Variants in FAM13A observed in about 807,000 individuals in gnomAD.
FAM13A encodes the protein protein FAM13A.
A neutral mutation model predicts 129.6 loss-of-function variants in FAM13A; 76 were observed. That is an observed-to-expected ratio of 0.59 (90% CI 0.49 to 0.71). The LOEUF is 0.71. Among genes scored for constraint, FAM13A ranks in the 30% least tolerant of loss-of-function variants. FAM13A has a pLI of 0.00. For synonymous variants in FAM13A, 443 were observed against 449.9 expected, an observed-to-expected ratio of 0.98 and a Z score of 0.20; for missense variants, 1,108 against 1,249.3, an observed-to-expected ratio of 0.89 and a Z score of 1.70.
At chr4:88,881,676 A>G (rs566003902) in intron 6 of FAM13A, among the ~76,000 whole-genome samples, 1 of 152,206 alleles carries the variant, frequency 6.6e-6, no homozygotes, top group Non-Finnish European at 1.5e-5. Context: ...TTAATAAGCT[A>G]ATCAAGGAGG....
At chr4:88,741,926 G>A (rs1348068857) in intron 19 of FAM13A, among the ~76,000 whole-genome samples, 1 of 152,192 alleles carries the variant, frequency 6.6e-6, no homozygotes, top group Non-Finnish European at 1.5e-5. Flanking sequence ...CTTGTACAAT[G>A]TCACATGTAA....
At chr4:88,930,374 T>G (rs1331456284) in intron 5 of FAM13A, among the ~76,000 whole-genome samples, 1 of 152,184 alleles carries the variant, frequency 6.6e-6, no homozygotes, top group African/African-American at 2.4e-5. Context: ...AGATGTATTT[T>G]TTCTGGTTGA....
intron 7 of FAM13A, among the ~76,000 whole-genome samples, chr4:88,842,635 C>T (rs1287154362): frequency 6.6e-6 from 1 of 152,174 alleles, no homozygotes; most frequent in African/African-American, 2.4e-5. Context: ...TAGATTGTGC[C>T]CAATAACAAT....
In FAM13A at chr4:88,819,992, A is replaced by T. The variant is rs558197296; in HGVS notation, c.1008-14940T>A. On this transcript the variant is annotated intron_variant, in intron 7 of 23. Coordinates refer to ENST00000264344, the MANE Select transcript of FAM13A (RefSeq NM_014883.4). ...AAGATCATGAGTTTCTAAACAGCCAACTCCATCCTGGAAACTCTGCCAATA... is the reference window on the plus strand; with the variant it reads ...AAGATCATGAGTTTCTAAACAGCCATCTCCATCCTGGAAACTCTGCCAATA... Among the ~76,000 whole-genome samples, 4 of 152,264 alleles carry T rather than the reference A, an allele frequency of 2.6e-5. No individual in the cohort carries two copies. In the East Asian group the frequency reaches 7.7e-4, roughly 29 times the overall value.
At chr4:89,041,917 C>T (rs1770190390) in intron 1 of FAM13A, among the ~76,000 whole-genome samples, 2 of 150,638 alleles carry the variant, frequency 1.3e-5, no homozygotes, top group South Asian at 4.2e-4. Flanking sequence ...AAGACTCTGC[C>T]TCAAAAAAAA....
intron 5 of FAM13A, among the ~76,000 whole-genome samples, chr4:88,910,809 C>T (rs1561311753): frequency 1.3e-5 from 2 of 152,060 alleles, no homozygotes; most frequent in South Asian, 4.2e-4. Context: ...GTCACCATGC[C>T]CAGCTAATTT....
chr4:89,007,147 G>A (rs1280168323), intron 3 of FAM13A, among the ~76,000 whole-genome samples: 1 of 152,122 alleles, frequency 6.6e-6, no homozygotes, highest in African/African-American at 2.4e-5. Context: ...AACTAAGTGT[G>A]GTGATTTAAA....
At chr4:88,961,354 T>TC (rs1373580669) in intron 4 of FAM13A, among the ~76,000 whole-genome samples, 2 of 49,254 alleles carry the variant, frequency 4.1e-5, no homozygotes, top group African/African-American at 1.8e-4. Context: ...TGCCTTTTTT[T>TC]TTTTTTTTTT....
At chr4:88,822,486 T>C (rs1372091109) in intron 7 of FAM13A, among the ~76,000 whole-genome samples, 1 of 152,216 alleles carries the variant, frequency 6.6e-6, no homozygotes, top group African/African-American at 2.4e-5. Flanking sequence ...GGAAATGTTA[T>C]CCTTAACATT....
intron 5 of FAM13A, among the ~76,000 whole-genome samples, chr4:88,934,954 T>C (rs886126285): frequency 6.6e-6 from 1 of 152,176 alleles, no homozygotes; most frequent in Non-Finnish European, 1.5e-5. Context: ...GGCCAAACCA[T>C]TGCAGAATCT....
intron 6 of FAM13A, among the ~76,000 whole-genome samples, chr4:88,886,707 G>A (rs1225954625): frequency 2.0e-5 from 3 of 151,060 alleles, no homozygotes; most frequent in African/African-American, 7.3e-5. Context: ...AAGAGTTTGA[G>A]AACAGCCTGG....
intron 6 of FAM13A, among the ~76,000 whole-genome samples, chr4:88,855,152 T>C (rs1295539232): frequency 6.6e-6 from 1 of 152,206 alleles, no homozygotes; most frequent in Admixed American, 6.5e-5. Flanking sequence ...ATGTTAAATG[T>C]TGGAATTGCA....
At chr4:88,744,015 CTTCA>C (rs1455659014) in intron 19 of FAM13A, among the ~76,000 whole-genome samples, 4 of 152,102 alleles carry the variant, frequency 2.6e-5, no homozygotes, top group South Asian at 2.1e-4. Context: ...GCAACTCTGT[CTTCA>C]TTATCAGGTT....
intron 7 of FAM13A, among the ~76,000 whole-genome samples, chr4:88,830,270 T>C (rs937335362): frequency 6.6e-6 from 1 of 152,164 alleles, no homozygotes; most frequent in Non-Finnish European, 1.5e-5. Flanking sequence ...TGTATGGAAA[T>C]AACAGGTGGT....
At chr4:88,730,677 C>CCA (rs1452745841) in intron 23 of FAM13A, among the ~76,000 whole-genome samples, 1 of 152,214 alleles carries the variant, frequency 6.6e-6, no homozygotes, top group Non-Finnish European at 1.5e-5. Context: ...CAGGCGTGAG[C>CCA]CACCACGCCT....
At chr4:88,769,186 T>C (rs1321653226) in intron 11 of FAM13A, among the ~76,000 whole-genome samples, 2 of 152,196 alleles carry the variant, frequency 1.3e-5, no homozygotes, top group Non-Finnish European at 2.9e-5. Context: ...AATAATCCCA[T>C]GAAGTTGGCA....
intron 5 of FAM13A, among the ~76,000 whole-genome samples, chr4:88,923,359 C>T (rs1358066998): frequency 6.6e-6 from 1 of 152,216 alleles, no homozygotes; most frequent in African/African-American, 2.4e-5. Context: ...CCACCATGAT[C>T]AAGTGGGCTT....
In FAM13A at chr4:88,966,875, C is replaced by G. The variant is rs570957839; in HGVS notation, c.605+24098G>C. ...TTTAACCTCCTAGAAAATTGTTATC[C>G]TTTCTCTTCAGTATTCTTGAACTTG... On this transcript the variant is annotated intron_variant, in intron 4 of 23. Transcript: ENST00000264344. 8.5e-5 allele frequency among the ~76,000 whole-genome samples: 13 copies of G among 152,244 alleles called. No homozygotes were observed. The South Asian group carries it at 1.9e-3, about 22-fold the overall frequency.
chr4:89,026,711 C>T (rs1768012665), intron 2 of FAM13A, among the ~76,000 whole-genome samples: 1 of 152,142 alleles, frequency 6.6e-6, no homozygotes, highest in Non-Finnish European at 1.5e-5. Flanking sequence ...CTGGGGAAAC[C>T]ACCCCCATGA....
Sources: gnomAD v4.1 joint callset for allele counts (sites outside exome capture counted in the v4.1 genomes callset) on GRCh38, gnomAD v4.1.1 for gene constraint, MANE v1.5 for transcripts, NCBI Gene and HGNC (gene_info 2026-07-23, HGNC 2026-07-21) for gene names.